Variants in PCDH11X observed in about 807,000 individuals in gnomAD.
PCDH11X encodes protocadherin-11 X-linked.
Under a neutral mutation model 53.3 loss-of-function variants are expected in PCDH11X, and 18 were observed. The ratio of observed to expected loss-of-function variants is 0.34; its 90% CI spans 0.23 to 0.50. PCDH11X has a LOEUF of 0.50. PCDH11X is among the 20% of genes least tolerant of loss of function. PCDH11X has a pLI of 0.98. For synonymous variants in PCDH11X, 279 were observed against 393.3 expected (o/e 0.71, Z 3.44); for missense variants, 570 against 1,032.4 (o/e 0.55, Z 6.14).
chrX:92,046,735 A>C (rs1457776530), intron 6 of PCDH11X, among the ~76,000 whole-genome samples: 1 of 110,879 alleles, frequency 9.0e-6, no homozygotes, highest in Non-Finnish European at 1.9e-5. Context: ...ACTTTATTAA[A>C]CTGAGTAAAA....
chrX:92,147,137 T>C (rs1344841229), intron 6 of PCDH11X, among the ~76,000 whole-genome samples: 2 of 109,112 alleles, frequency 1.8e-5, no homozygotes, highest in African/African-American at 7.0e-5. Context: ...TATTATTAGT[T>C]TACTTTCAGA....
intron 10 of PCDH11X, among the ~76,000 whole-genome samples, chrX:92,571,386 A>G (rs1226485174): frequency 9.0e-6 from 1 of 111,267 alleles, no homozygotes; most frequent in Non-Finnish European, 1.9e-5. Flanking sequence ...TATAAATTTA[A>G]GGTAAATAAC....
At position 92,441,123 on chromosome X, in the gene PCDH11X, G is replaced by A. The variant is rs189114005; in HGVS notation, c.3344-27176G>A. 1.1e-4 allele frequency among the ~76,000 whole-genome samples: 12 copies of A among 108,303 alleles called. No individual in the cohort carries two copies. In the Admixed American group the frequency reaches 1.2e-3, roughly 11 times the overall value. 94.0% of individuals were successfully genotyped at this position (108,303 alleles called of 115,157 possible). ...GAGAGATGACTTAGGGTATCTGGTG[G>A]AAGAAATTTCTAAGCAGCAAAGCAT... On this transcript the variant is annotated intron_variant, in intron 9 of 10. Transcript: ENST00000682573.
At chrX:91,871,571 T>C (rs1939311025) in intron 5 of PCDH11X, among the ~76,000 whole-genome samples, 1 of 108,734 alleles carries the variant, frequency 9.2e-6, no homozygotes, top group African/African-American at 3.3e-5. Flanking sequence ...CAATAGGCAA[T>C]GAAGTGGTGT....
intron 7 of PCDH11X, among the ~76,000 whole-genome samples, chrX:92,225,253 T>C (rs2066948830): frequency 9.1e-6 from 1 of 109,997 alleles, no homozygotes; most frequent in African/African-American, 3.3e-5. Context: ...TCTCACTTTC[T>C]CTGCTGGTTT....
In PCDH11X at chrX:92,258,431, G is replaced by C. The variant is rs1018387640; in HGVS notation, c.3115-4683G>C. Among the ~76,000 whole-genome samples, 611 of 103,779 alleles carry C rather than the reference G, an allele frequency of 5.9e-3. 5 individuals carry two copies. Among genetic ancestry groups the C allele is most frequent in the African/African-American group, 0.021 (598 of 28,001 alleles). The allele number at this position is 103,779 out of a possible 115,157, so 90.1% of individuals were successfully genotyped here. A position where few individuals can be genotyped will look rare whatever the true frequency, so the allele number is the denominator to read the frequency against. ...CGCCCAGGCTGGAGTGCAGTGGCTC[G>C]ATCTCGGCTCGCTGCATGCTCCACC... is the stretch of plus-strand genomic sequence containing the variant. On this transcript the variant is annotated intron_variant, in intron 7 of 10. Transcript: ENST00000682573.
intron 4 of PCDH11X, among the ~76,000 whole-genome samples, chrX:91,822,935 A>G (rs1191951347): frequency 1.3e-4 from 14 of 110,830 alleles, no homozygotes; most frequent in Non-Finnish European, 2.5e-4. Flanking sequence ...TTATGTACCC[A>G]GTAGTCATTC....
chrX:92,140,894 A>C (rs1012523189), intron 6 of PCDH11X, among the ~76,000 whole-genome samples: 1 of 111,671 alleles, frequency 9.0e-6, no homozygotes, highest in African/African-American at 3.2e-5. Flanking sequence ...ATAAATATGT[A>C]TTTTGCTTTC....
intron 10 of PCDH11X, among the ~76,000 whole-genome samples, chrX:92,528,832 C>T (rs1014285654): frequency 3.6e-4 from 40 of 111,011 alleles, no homozygotes; most frequent in African/African-American, 1.2e-3. Context: ...ACTCTGGTGA[C>T]AAAATGAGAA....
intron 6 of PCDH11X, among the ~76,000 whole-genome samples, chrX:92,098,038 G>A (rs768724786): frequency 4.3e-4 from 48 of 110,521 alleles, no homozygotes; most frequent in African/African-American, 1.4e-3. Context: ...TGTGGAACCC[G>A]TGGATACAAG....
At chrX:92,172,968 G>GT (rs2065847173) in intron 6 of PCDH11X, among the ~76,000 whole-genome samples, 1 of 111,668 alleles carries the variant, frequency 9.0e-6, no homozygotes, top group Non-Finnish European at 1.9e-5. Context: ...TTTCTAAGGT[G>GT]TTTTTTCATA....
chrX:92,574,464 A>G (rs2556691), intron 10 of PCDH11X, among the ~76,000 whole-genome samples: 25,322 of 98,547 alleles, frequency 0.26, 3,829 homozygotes, highest in African/African-American at 0.34. Flanking sequence ...TTCATGGAGT[A>G]GAAACATGAA....
At chrX:91,971,251 A>AT (rs2061956328) in intron 6 of PCDH11X, among the ~76,000 whole-genome samples, 1 of 110,193 alleles carries the variant, frequency 9.1e-6, no homozygotes, top group Non-Finnish European at 1.9e-5. Context: ...CAAAAAAAAA[A>AT]GAAGAAACTG....
At chrX:92,233,642 A>G (rs2067122005) in intron 7 of PCDH11X, among the ~76,000 whole-genome samples, 2 of 111,716 alleles carry the variant, frequency 1.8e-5, no homozygotes, top group Admixed American at 1.9e-4. Flanking sequence ...AAAAACAATT[A>G]TTTTCTTTAT....
At chrX:91,931,330 G>A (rs756263379) in intron 6 of PCDH11X, among the ~76,000 whole-genome samples, 1 of 110,912 alleles carries the variant, frequency 9.0e-6, no homozygotes, top group South Asian at 3.8e-4. Context: ...ATTATGAAAG[G>A]CAAATTAATT....
intron 6 of PCDH11X, among the ~76,000 whole-genome samples, chrX:92,010,139 G>A (rs960438658): frequency 9.0e-6 from 1 of 110,633 alleles, no homozygotes; most frequent in African/African-American, 3.3e-5. Flanking sequence ...CTGTGCACAT[G>A]GAAAAATGAA....
At chrX:92,347,371 AAAG>A (rs1159597632) in intron 8 of PCDH11X, among the ~76,000 whole-genome samples, 1 of 112,154 alleles carries the variant, frequency 8.9e-6, no homozygotes, top group Non-Finnish European at 1.9e-5. Flanking sequence ...AATAGTTCAT[AAAG>A]AAGACTTTTT....
rs1157030904 is a variant in PCDH11X, at chrX:92,128,057, T to G, written c.3034-73318T>G. On this transcript the variant is annotated intron_variant, in intron 6 of 10. Coordinates refer to ENST00000682573, the MANE Select transcript of PCDH11X (RefSeq NM_032968.5). ...CTATTTGGTATGTGAAGATTTGTAA[T>G]TATATGTGTAAAATTTCTATTCTTT... 9.0e-5 allele frequency among the ~76,000 whole-genome samples: 10 copies of G among 110,855 alleles called. No homozygotes were observed. The East Asian group carries it at 2.0e-3, about 22-fold the overall frequency.
At chrX:91,887,674 C>T (rs1940295904) in intron 6 of PCDH11X, among the ~76,000 whole-genome samples, 1 of 111,559 alleles carries the variant, frequency 9.0e-6, no homozygotes, top group African/African-American at 3.2e-5. Context: ...TGTTTGAAGG[C>T]TATATAACTT....
Sources: allele counts gnomAD v4.1 joint callset (sites outside exome capture counted in the v4.1 genomes callset), GRCh38; gene constraint gnomAD v4.1.1; transcripts MANE v1.5; gene names NCBI Gene and HGNC (gene_info 2026-07-23, HGNC 2026-07-21).